ATP6V1G1: variants seen among roughly 807,000 people sequenced by gnomAD.
ATP6V1G1 encodes ATPase H+ transporting V1 subunit G1, also known as V-type proton ATPase subunit G 1.
Under a neutral mutation model 14.2 loss-of-function variants are expected in ATP6V1G1, and 14 were observed. That is an observed-to-expected ratio of 0.99 (90% CI 0.65 to 1.55). The LOEUF (loss-of-function observed/expected upper bound fraction) is 1.55, where lower values mean the gene tolerates loss of function less well. ATP6V1G1 is among the 40% of genes most tolerant of loss of function. ATP6V1G1 has a pLI of 0.00. For missense variants in ATP6V1G1, 137 were observed against 146.4 expected (o/e 0.94, Z 0.33); for synonymous variants, 65 against 53.3 (o/e 1.22, Z -0.96).
Position 114,587,899 on chromosome 9 carries a change from A to G in ATP6V1G1, c.61A>G (p.Lys21Glu). The part of the protein sequence containing the change: ...LLQAEKRAAE[K>E]VSEARKRKNR... ...GCAGGCCGAGAAGCGGGCAGCCGAG[A>G]AGGTGTCCGAGGCCCGCAAAAGTGA... The change falls in exon 1 of 3, where the codon AAG (lysine) becomes GAG (glutamate). Residue 21 changes from lysine to glutamate, a missense_variant. Lys to Glu is a moderately conservative substitution (Grantham distance 56, BLOSUM62 1). Coordinates refer to ENST00000374050, the MANE Select transcript of ATP6V1G1 (RefSeq NM_004888.4). The G allele has an allele frequency of 6.3e-7, 1 of 1,585,852 alleles. No individual in the cohort carries two copies.
intron 2 of ATP6V1G1, 100 bp from the exon 3 acceptor site, chr9:114,597,470 C>A: frequency 7.9e-7 from 1 of 1,262,914 alleles, no homozygotes; most frequent in Non-Finnish European, 1.0e-6. Context: ...ATAGGTGAGC[C>A]TGGGTTTCTC....
At chr9:114,593,543 T>C (rs1239946035) in intron 2 of ATP6V1G1, among the ~76,000 whole-genome samples, 1 of 152,196 alleles carries the variant, frequency 6.6e-6, no homozygotes, top group African/African-American at 2.4e-5. Flanking sequence ...TCATTCAGGC[T>C]TTAGTGCAGT....
intron 1 of ATP6V1G1, among the ~76,000 whole-genome samples, chr9:114,590,213 AC>A (rs1215375141): frequency 6.6e-6 from 1 of 150,684 alleles, no homozygotes; most frequent in East Asian, 2.0e-4. Flanking sequence ...AAAAAAAAAA[AC>A]AAAAAACAAA....
At chr9:114,588,032 A>G in intron 1 of ATP6V1G1, 112 bp downstream of exon 1, 2 of 1,172,642 alleles carry the variant, frequency 1.7e-6, no homozygotes, top group South Asian at 1.5e-5. Context: ...GCGTGCGTAT[A>G]GTCGCGGAAG....
At chr9:114,597,295 A>G (rs1845249819) in intron 2 of ATP6V1G1, among the ~76,000 whole-genome samples, 1 of 151,382 alleles carries the variant, frequency 6.6e-6, no homozygotes, top group African/African-American at 2.4e-5. Context: ...CGGCCTATAT[A>G]GCAGATTCTT....
At chr9:114,594,853 CTTTTTTTCTT>C (rs1334132817) in intron 2 of ATP6V1G1, among the ~76,000 whole-genome samples, 1 of 117,370 alleles carries the variant, frequency 8.5e-6, no homozygotes, top group Non-Finnish European at 1.6e-5. Context: ...CTTTTCTTTT[CTTTTTTTCTT>C]TTTTTTTTTT....
chr9:114,597,139 C>T (rs888185884), intron 2 of ATP6V1G1, among the ~76,000 whole-genome samples: 17 of 151,474 alleles, frequency 1.1e-4, no homozygotes, highest in African/African-American at 3.4e-4. Context: ...TACAGGCGCC[C>T]GCTACCACGC....
At chr9:114,590,305 G>A (rs1845170959) in intron 1 of ATP6V1G1, among the ~76,000 whole-genome samples, 1 of 148,752 alleles carries the variant, frequency 6.7e-6, no homozygotes, top group African/African-American at 2.5e-5. Context: ...TGTCACTCAG[G>A]CTAGAGTGCA....
intron 2 of ATP6V1G1, among the ~76,000 whole-genome samples, chr9:114,596,436 CCTCT>C (rs1845239522): frequency 1.3e-5 from 2 of 151,016 alleles, no homozygotes; most frequent in African/African-American, 4.8e-5. Flanking sequence ...AATTAGTTTT[CCTCT>C]CTCTCAGACC....
chr9:114,591,267 G>A (rs1488268489), intron 1 of ATP6V1G1, among the ~76,000 whole-genome samples: 1 of 152,206 alleles, frequency 6.6e-6, no homozygotes, highest in African/African-American at 2.4e-5. Context: ...TGTTGAAGAT[G>A]TTTGCCAAAG....
In ATP6V1G1 at chr9:114,592,251, G is replaced by C. The variant is rs980115052; in HGVS notation, c.83-301G>C. On this transcript the variant is annotated intron_variant, in intron 1 of 2. Transcript: ENST00000374050. ...GGTTAATGTTACTCATTTTATGTTG[G>C]TTCTTAATAGTTGAGATTGAGAGAA... Among the ~76,000 whole-genome samples the C allele has an allele frequency of 2.6e-5, 4 of 152,120 alleles. No individual in the cohort carries two copies. The South Asian group carries it at 8.3e-4, about 32-fold the overall frequency.
At chr9:114,597,496 A>C (rs951403704) in intron 2 of ATP6V1G1, 74 bp from the exon 3 acceptor site, 3 of 1,373,118 alleles carry the variant, frequency 2.2e-6, no homozygotes, top group Non-Finnish European at 2.8e-6. Context: ...GTCAACAAGT[A>C]GCTTACGAAA....
chr9:114,591,954 C>A (rs1845186370), intron 1 of ATP6V1G1, among the ~76,000 whole-genome samples: 1 of 152,128 alleles, frequency 6.6e-6, no homozygotes, highest in South Asian at 2.1e-4. Context: ...ACCAAAATAC[C>A]TGTGTCTCCT....
At chr9:114,591,318 C>T (rs534221527) in intron 1 of ATP6V1G1, among the ~76,000 whole-genome samples, 35 of 152,240 alleles carry the variant, frequency 2.3e-4, no homozygotes, top group Non-Finnish European at 4.0e-4. Flanking sequence ...TGCAGGGAGC[C>T]ATGGGAGTTG....
At position 114,597,769 on chromosome 9, in the gene ATP6V1G1, G is replaced by C. The variant is rs903811239; in HGVS notation, c.*26G>C. 3 of 1,496,518 alleles carry C rather than the reference G, an allele frequency of 2.0e-6. No individual in the cohort carries two copies. The highest frequency in any genetic ancestry group is 2.7e-6 in the Non-Finnish European group (3 of 1,126,314). 92.7% of individuals were successfully genotyped at this position (1,496,518 alleles called of 1,614,324 possible). On this transcript the variant is annotated 3_prime_UTR_variant, in exon 3 of 3. Transcript: ENST00000374050. ...AAGAGAGAAGCACCTGTGCTGTGGA[G>C]TGGCATTTTAGATGCCCTCACGAAT...
intron 2 of ATP6V1G1, among the ~76,000 whole-genome samples, chr9:114,594,491 C>T (rs1845215876): frequency 6.6e-6 from 1 of 151,330 alleles, no homozygotes; most frequent in African/African-American, 2.4e-5. Context: ...TCAAATGATT[C>T]TCCTGCCTCA....
chr9:114,591,320 T>C (rs553931580), intron 1 of ATP6V1G1, among the ~76,000 whole-genome samples: 9 of 152,164 alleles, frequency 5.9e-5, no homozygotes, highest in South Asian at 2.1e-4. Context: ...CAGGGAGCCA[T>C]GGGAGTTGGG....
At chr9:114,597,076 C>T (rs947486177) in intron 2 of ATP6V1G1, among the ~76,000 whole-genome samples, 29 of 149,846 alleles carry the variant, frequency 1.9e-4, no homozygotes, top group Non-Finnish European at 3.3e-4. Context: ...CTGCAAGCTC[C>T]GCCTCCCGGG....
chr9:114,589,050 A>G (rs1845158147), intron 1 of ATP6V1G1, among the ~76,000 whole-genome samples: 1 of 152,112 alleles, frequency 6.6e-6, no homozygotes, highest in Non-Finnish European at 1.5e-5. Flanking sequence ...TTCTGACGTG[A>G]GAAGCCTTTT....
Sources: allele counts gnomAD v4.1 joint callset (sites outside exome capture counted in the v4.1 genomes callset), GRCh38; gene constraint gnomAD v4.1.1; transcripts MANE v1.5; gene names NCBI Gene and HGNC (gene_info 2026-07-23, HGNC 2026-07-21).